Variants in ERLIN2 observed in about 807,000 individuals in gnomAD.
ERLIN2 encodes the protein ER lipid raft associated 2, also known as erlin-2.
A neutral mutation model predicts 41.5 loss-of-function variants in ERLIN2; 22 were observed. The ratio of observed to expected loss-of-function variants is 0.53; its 90% CI spans 0.38 to 0.76. The LOEUF is 0.76. Among genes scored for constraint, ERLIN2 ranks in the 30% least tolerant of loss-of-function variants. The pLI, the probability that ERLIN2 is intolerant of heterozygous loss-of-function variation, is 0.00. For missense variants in ERLIN2, 247 were observed against 414.3 expected (o/e 0.60, Z 3.51); for synonymous variants, 149 against 150.9 (o/e 0.99, Z 0.09).
chr8:37,745,343 T>G (rs747522182), intron 6 of ERLIN2: 4 of 579,178 alleles, frequency 6.9e-6, no homozygotes, highest in Non-Finnish European at 1.2e-5. Context: ...AAAAACACTT[T>G]AAACAAAAAG....
chr8:37,748,023 GA>G lies in ERLIN2; in HGVS notation c.425-1531del, dbSNP rs374948130. On this transcript the variant is annotated intron_variant, in intron 6 of 11. Transcript: ENST00000519638. ...TCGGCATGGTTTCCAGGAGCAACCTGAAAAACTCTACGCAAAGAAGAGGGTC... is the reference window on the plus strand; with the variant it reads ...TCGGCATGGTTTCCAGGAGCAACCTGAAAACTCTACGCAAAGAAGAGGGTC... 456 of 1,601,978 alleles carry G rather than the reference GA, an allele frequency of 2.8e-4. 1 individual carries two copies. The African/African-American group carries it at 4.7e-3, about 17-fold the overall frequency.
chr8:37,753,387 C>A, intron 10 of ERLIN2, 63 bp from the exon 11 acceptor site: 1 of 1,377,398 alleles, frequency 7.3e-7, no homozygotes. Flanking sequence ...ATAGCCTCTG[C>A]ACTTCCTGCA....
intron 6 of ERLIN2, 187 bp downstream of exon 6, chr8:37,744,883 A>G (rs1052504877): frequency 1.4e-6 from 1 of 725,564 alleles, no homozygotes; most frequent in African/African-American, 1.7e-5. Flanking sequence ...GCTATGCAAC[A>G]AGATCCTTAG....
At chr8:37,750,517 C>A in intron 9 of ERLIN2, 31 bp downstream of exon 9, 1 of 1,570,742 alleles carries the variant, frequency 6.4e-7, no homozygotes, top group Non-Finnish European at 8.8e-7. Flanking sequence ...TCCCCCTTTC[C>A]AGGCAGAAAG....
intron 1 of ERLIN2, chr8:37,737,021 C>G (rs1245738105): frequency 1.0e-6 from 1 of 983,572 alleles, no homozygotes; most frequent in Non-Finnish European, 1.2e-6. Flanking sequence ...AAATAAGCGC[C>G]TCGCAGATGT....
At chr8:37,749,427 G>A in intron 6 of ERLIN2, 132 bp from the exon 7 acceptor site, 1 of 733,552 alleles carries the variant, frequency 1.4e-6, no homozygotes, top group Non-Finnish European at 2.5e-6. Flanking sequence ...AGATTTGTGG[G>A]CTTTGATAAG....
At chr8:37,751,247 A>G (rs1585916395) in intron 9 of ERLIN2, among the ~76,000 whole-genome samples, 1 of 152,374 alleles carries the variant, frequency 6.6e-6, no homozygotes, top group East Asian at 1.9e-4. Context: ...AACCAAGGAC[A>G]CTGGCTCTAG....
At chr8:37,747,298 T>C (rs1803083205) in intron 6 of ERLIN2, 1 of 870,118 alleles carries the variant, frequency 1.1e-6, no homozygotes, top group Non-Finnish European at 2.0e-6. Context: ...CTGATCTAAA[T>C]GCTTGCCTCC....
intron 2 of ERLIN2, 31 bp downstream of exon 2, chr8:37,738,060 T>TTCC: frequency 6.2e-7 from 1 of 1,613,210 alleles, no homozygotes; most frequent in Non-Finnish European, 8.5e-7. Context: ...AGCCGGCAAC[T>TTCC]TCCTGTTAAA....
chr8:37,738,251 G>T (rs1802724821), intron 2 of ERLIN2, among the ~76,000 whole-genome samples: 1 of 152,202 alleles, frequency 6.6e-6, no homozygotes, highest in African/African-American at 2.4e-5. Context: ...CCAAGATGAT[G>T]CCATGGGTGG....
In ERLIN2 at chr8:37,757,058, G is replaced by T. The variant is rs1437417297; in HGVS notation, c.*2943G>T. 2.0e-5 allele frequency: 3 copies of T among 152,070 alleles called. No homozygotes were observed. The highest frequency in any genetic ancestry group is 4.8e-5 in the African/African-American group (2 of 41,404). The allele number at this position is 152,070 out of a possible 1,614,324, so 9.4% of individuals were successfully genotyped here. A position where few individuals can be genotyped will look rare whatever the true frequency, so the allele number is the denominator to read the frequency against. ...ATCTGTGATCATATAAAAAGGGAGG[G>T]TTACTGAAAGAATTTTAGCAATATA... On this transcript the variant is annotated 3_prime_UTR_variant, in exon 12 of 12. Coordinates refer to ENST00000519638, the MANE Select transcript of ERLIN2 (RefSeq NM_007175.8).
At chr8:37,747,777 A>C in intron 6 of ERLIN2, 1 of 1,612,088 alleles carries the variant, frequency 6.2e-7, no homozygotes, top group Non-Finnish European at 8.5e-7. Flanking sequence ...GCAGATACAT[A>C]GTCTCTTCGT....
chr8:37,746,120 C>CA (rs1491141434), intron 6 of ERLIN2: 1 of 994,852 alleles, frequency 1.0e-6, no homozygotes, highest in African/African-American at 1.7e-5. Context: ...TTTTACATCT[C>CA]AGTCTTGCTA....
At chr8:37,738,960 C>CT (rs1302636414) in intron 2 of ERLIN2, among the ~76,000 whole-genome samples, 1 of 152,034 alleles carries the variant, frequency 6.6e-6, no homozygotes, top group East Asian at 1.9e-4. Context: ...CAAAGCAAGC[C>CT]TTAGGATAGT....
intron 6 of ERLIN2, chr8:37,744,929 G>A: frequency 1.5e-6 from 1 of 667,600 alleles, no homozygotes; most frequent in Non-Finnish European, 2.7e-6. Context: ...CCATAGTGGA[G>A]TAGAGTATTC....
chr8:37,745,663 G>C (rs1762001666), intron 6 of ERLIN2: 2 of 1,613,150 alleles, frequency 1.2e-6, no homozygotes, highest in Admixed American at 3.3e-5. Flanking sequence ...CACATCGCCA[G>C]CAATCATAAT....
chr8:37,738,404 A>AT lies in ERLIN2; in HGVS notation c.107+376dup, dbSNP rs112162854. Among the ~76,000 whole-genome samples, 272 of 151,516 alleles carry AT rather than the reference A, an allele frequency of 1.8e-3. 2 individuals carry two copies. Among genetic ancestry groups the AT allele is most frequent in the African/African-American group, 6.2e-3 (254 of 41,210 alleles). On this transcript the variant is annotated intron_variant, in intron 2 of 11. Transcript: ENST00000519638. ...ATCCCTCTGGCAGTCTTAGCTCTAC[A>AT]TCCCTCTGGCAGTCTTAGCTCTACA... is the stretch of plus-strand genomic sequence containing the variant.
In ERLIN2 at chr8:37,757,481, C is replaced by T. The variant is rs1292393250; in HGVS notation, c.*3366C>T. 6.6e-6 allele frequency: 1 copy of T among 152,146 alleles called. No individual in the cohort carries two copies. Among genetic ancestry groups the T allele is most frequent in the Non-Finnish European group, 1.5e-5 (1 of 68,034 alleles). The allele number at this position is 152,146 out of a possible 1,614,324, so 9.4% of individuals were successfully genotyped here. A position where few individuals can be genotyped will look rare whatever the true frequency, so the allele number is the denominator to read the frequency against. On this transcript the variant is annotated 3_prime_UTR_variant, in exon 12 of 12. Transcript: ENST00000519638. ...GCAAACTACTTCTACTTTCAAAGAG[C>T]CCCAAGGGCTTAATGACCCCATTTG...
chr8:37,738,141 A>G, intron 2 of ERLIN2, 112 bp downstream of exon 2: 1 of 1,282,506 alleles, frequency 7.8e-7, no homozygotes, highest in East Asian at 2.3e-5. Flanking sequence ...TTCCTTGAAT[A>G]GGGGAGCCTT....
Sources: gnomAD v4.1 joint callset for allele counts (sites outside exome capture counted in the v4.1 genomes callset) on GRCh38, gnomAD v4.1.1 for gene constraint, MANE v1.5 for transcripts, NCBI Gene and HGNC (gene_info 2026-07-23, HGNC 2026-07-21) for gene names.